Variants in RTF1 observed in about 807,000 individuals in gnomAD.
RTF1 encodes RNA polymerase-associated protein RTF1 homolog.
RTF1 carries 10 observed loss-of-function variants against 95.7 expected under a neutral mutation model. The observed-to-expected ratio is 0.10, with a 90% CI of 0.06 to 0.18. The LOEUF is 0.18. Ranked by LOEUF, RTF1 falls within the 10% of genes least tolerant of loss-of-function variation. The probability of loss-of-function intolerance (pLI) is 1.00; values close to 1 mark genes in which losing one functional copy is unlikely to be tolerated. For synonymous variants in RTF1, 305 were observed against 311.8 expected, an observed-to-expected ratio of 0.98 and a Z score of 0.23; for missense variants, 458 against 875.6, an observed-to-expected ratio of 0.52 and a Z score of 6.02.
chr15:41,445,211 A>G (rs1271875512), intron 2 of RTF1, among the ~76,000 whole-genome samples: 2 of 152,206 alleles, frequency 1.3e-5, no homozygotes, highest in Non-Finnish European at 2.9e-5. Flanking sequence ...CTGGGATTAC[A>G]GGCGTGAGCC....
At position 41,438,302 on chromosome 15, in the gene RTF1, C is replaced by T; in HGVS notation, c.199-19C>T. 1.3e-6 allele frequency: 2 copies of T among 1,493,590 alleles called. No homozygotes were observed. Among genetic ancestry groups the T allele is most frequent in the Middle Eastern group, 1.7e-4 (1 of 5,860 alleles). The allele number at this position is 1,493,590 out of a possible 1,614,324, so 92.5% of individuals were successfully genotyped here. A position where few individuals can be genotyped will look rare whatever the true frequency, so the allele number is the denominator to read the frequency against. On this transcript the variant is annotated intron_variant, in intron 1 of 17. Transcript: ENST00000389629. ...TTCTCTGTTGAACAAAACTGATGTG[C>T]CTATTTTTGTCCCATTAGGAGCTCT...
intron 11 of RTF1, among the ~76,000 whole-genome samples, chr15:41,476,118 T>G (rs117263411): frequency 6.6e-6 from 1 of 152,298 alleles, no homozygotes; most frequent in Non-Finnish European, 1.5e-5. Context: ...GCTTGATCCT[T>G]CAAGAGTTTT....
rs1795170764 is a variant in RTF1, at chr15:41,463,112, ACTT to A, written c.663-1658_663-1656del. ...TAGTCTTTTGTGACTGACTTCTTTC[ACTT>A]AGTATGTTTTTGAGGTTTATCCATT... On this transcript the variant is annotated intron_variant, in intron 4 of 17. Coordinates refer to ENST00000389629, the MANE Select transcript of RTF1 (RefSeq NM_015138.5). Among the ~76,000 whole-genome samples, 3 of 152,164 alleles carry A rather than the reference ACTT, an allele frequency of 2.0e-5. No individual in the cohort carries two copies. In the South Asian group the frequency reaches 6.2e-4, roughly 32 times the overall value.
chr15:41,426,779 ATATGTGTGTGTGTGTGTGTG>A (rs1359779015), intron 1 of RTF1, among the ~76,000 whole-genome samples: 60 of 77,610 alleles, frequency 7.7e-4, no homozygotes, highest in African/African-American at 2.4e-3. Context: ...CGCTACATAT[ATATGTGTGTGTGTGTGTGTG>A]TGTGTGTGTG....
At chr15:41,429,828 C>T (rs2050659680) in intron 1 of RTF1, among the ~76,000 whole-genome samples, 2 of 151,978 alleles carry the variant, frequency 1.3e-5, no homozygotes, top group African/African-American at 2.4e-5. Flanking sequence ...CAGATAGCCC[C>T]TGCACTCATT....
At chr15:41,433,230 A>G (rs1353338489) in intron 1 of RTF1, among the ~76,000 whole-genome samples, 1 of 152,190 alleles carries the variant, frequency 6.6e-6, no homozygotes, top group Non-Finnish European at 1.5e-5. Context: ...CCTGGGAGAC[A>G]TAGTGAGAGT....
At chr15:41,463,446 C>A (rs1445148833) in intron 4 of RTF1, among the ~76,000 whole-genome samples, 1 of 152,186 alleles carries the variant, frequency 6.6e-6, no homozygotes, top group Admixed American at 6.5e-5. Flanking sequence ...AGTTTCTCCA[C>A]CTCTTCACTA....
chr15:41,445,772 A>C (rs1242718000), intron 2 of RTF1, among the ~76,000 whole-genome samples: 3 of 139,096 alleles, frequency 2.2e-5, no homozygotes, highest in African/African-American at 8.1e-5. Context: ...GTCTTGCTCT[A>C]TCAAGAGGGC....
At chr15:41,423,516 C>T (rs993521705) in intron 1 of RTF1, among the ~76,000 whole-genome samples, 3 of 151,606 alleles carry the variant, frequency 2.0e-5, no homozygotes, top group South Asian at 2.1e-4. Flanking sequence ...ATGACAGGCA[C>T]GCGCCACCAC....
At chr15:41,472,295 C>T (rs1335357179) in intron 8 of RTF1, among the ~76,000 whole-genome samples, 1 of 151,956 alleles carries the variant, frequency 6.6e-6, no homozygotes, top group African/African-American at 2.4e-5. Flanking sequence ...CAACCTCCGC[C>T]TCCTGGGTTC....
At chr15:41,465,989 C>T (rs1161265021) in intron 5 of RTF1, 152 bp from the exon 6 acceptor site, 8 of 500,156 alleles carry the variant, frequency 1.6e-5, no homozygotes, top group Non-Finnish European at 2.9e-5. Flanking sequence ...CCTCTTTGTC[C>T]ACAAGAGGAT....
In RTF1 at chr15:41,471,202, A is replaced by G. The variant is rs1415705805; in HGVS notation, c.1056A>G (p.Pro352=). 6.2e-7 allele frequency: 1 copy of G among 1,612,522 alleles called. No homozygotes were observed. Residue 352 remains proline (P), a synonymous_variant, in exon 8 of 18, where the codon CCA becomes CCG. Coordinates refer to ENST00000389629, the MANE Select transcript of RTF1 (RefSeq NM_015138.5). The part of the protein sequence containing the change: ...EKEEIPPKSQ[P]VSLPEELNRV... ...AAGAGATCCCTCCCAAATCCCAACC[A>G]GTTTCCTTACCTGAAGAATTGAATC...
chr15:41,423,805 T>C lies in RTF1; in HGVS notation c.198+6492T>C, dbSNP rs542079468. On this transcript the variant is annotated intron_variant, in intron 1 of 17. Coordinates refer to ENST00000389629, the MANE Select transcript of RTF1 (RefSeq NM_015138.5). ...TCTCACTTTGTTGCCCAGGCTGGAG[T>C]GCAGTGGGACGATCTCAGCTCACTG... 3.9e-5 allele frequency among the ~76,000 whole-genome samples: 6 copies of C among 152,172 alleles called. No homozygotes were observed. The South Asian group carries it at 1.2e-3, about 32-fold the overall frequency.
intron 3 of RTF1, among the ~76,000 whole-genome samples, chr15:41,454,070 A>G (rs2050800960): frequency 6.6e-6 from 1 of 152,118 alleles, no homozygotes; most frequent in Non-Finnish European, 1.5e-5. Context: ...TTAATTGTTC[A>G]TTAAAATGTG....
chr15:41,481,518 A>C lies in RTF1; in HGVS notation c.*831A>C, dbSNP rs920447702. ...TCTTCCCATCCTTTCCCAACTTTGG[A>C]GAAAACTCCCCAGTTTAGCCCCCTG... is the stretch of plus-strand genomic sequence containing the variant. On this transcript the variant is annotated 3_prime_UTR_variant, in exon 18 of 18. Transcript: ENST00000389629. The C allele has an allele frequency of 6.6e-6, 1 of 152,508 alleles. No homozygotes were observed. Among genetic ancestry groups the C allele is most frequent in the Non-Finnish European group, 1.5e-5 (1 of 68,016 alleles). 9.4% of individuals were successfully genotyped at this position (152,508 alleles called of 1,614,324 possible). A position where few individuals can be genotyped will look rare whatever the true frequency, so the allele number is the denominator to read the frequency against.
intron 6 of RTF1, 87 bp from the exon 7 acceptor site, chr15:41,470,170 G>C: frequency 7.1e-7 from 1 of 1,417,746 alleles, no homozygotes; most frequent in Non-Finnish European, 9.8e-7. Context: ...GTGTATTTGA[G>C]TCCTCTTCCA....
At chr15:41,466,114 C>A in intron 5 of RTF1, 27 bp from the exon 6 acceptor site, 1 of 1,433,432 alleles carries the variant, frequency 7.0e-7, no homozygotes, top group Non-Finnish European at 9.4e-7. Flanking sequence ...GTAAAAAGGG[C>A]CATTCTATAT....
At chr15:41,432,409 G>A (rs897086251) in intron 1 of RTF1, among the ~76,000 whole-genome samples, 1 of 151,258 alleles carries the variant, frequency 6.6e-6, no homozygotes, top group Admixed American at 6.6e-5. Context: ...GTGTTAGCCA[G>A]GTTGGTCTTG....
intron 6 of RTF1, among the ~76,000 whole-genome samples, chr15:41,468,882 T>C (rs189012252): frequency 6.6e-6 from 1 of 152,322 alleles, no homozygotes; most frequent in Non-Finnish European, 1.5e-5. Flanking sequence ...TTTATTTATT[T>C]TGAATATCCT....
Sources: gnomAD v4.1 joint callset for allele counts (sites outside exome capture counted in the v4.1 genomes callset) on GRCh38, gnomAD v4.1.1 for gene constraint, MANE v1.5 for transcripts, NCBI Gene and HGNC (gene_info 2026-07-23, HGNC 2026-07-21) for gene names.